Variants in VSIG1 observed in about 807,000 individuals in gnomAD.
The protein encoded by VSIG1 is V-set and immunoglobulin domain-containing protein 1.
Under a neutral mutation model 20.1 loss-of-function variants are expected in VSIG1, and 11 were observed. The observed-to-expected ratio is 0.55, with a 90% CI of 0.34 to 0.91. VSIG1 has a LOEUF of 0.91. Ranked by LOEUF, VSIG1 falls within the 40% of genes least tolerant of loss-of-function variation. VSIG1 has a pLI of 0.02. For synonymous variants in VSIG1, 126 were observed against 116.7 expected (o/e 1.08, Z -0.52); for missense variants, 283 against 298.8 (o/e 0.95, Z 0.39).
At chrX:108,061,392 C>T in intron 2 of VSIG1, 1 of 1,076,098 alleles carries the variant, frequency 9.3e-7, no homozygotes, top group Non-Finnish European at 1.3e-6. Flanking sequence ...GTATAGCATT[C>T]AGCTCTCAGA....
intron 2 of VSIG1, among the ~76,000 whole-genome samples, chrX:108,060,090 G>T (rs1209096615): frequency 9.0e-6 from 1 of 111,718 alleles, no homozygotes; most frequent in Non-Finnish European, 1.9e-5. Context: ...AAGGGAAGAA[G>T]ATATGGTGAT....
upstream of VSIG1, among the ~76,000 whole-genome samples, chrX:108,042,861 C>G (rs1229780898): frequency 8.9e-6 from 1 of 111,920 alleles, no homozygotes; most frequent in Non-Finnish European, 1.9e-5. Flanking sequence ...GGAAAGTAAG[C>G]ACTGTATTTT....
rs1364013293 is a variant in VSIG1 at position 108,078,627 on chromosome X, A to T, written c.*1246A>T. The T allele has an allele frequency of 8.9e-6, 1 of 112,010 alleles. No homozygotes were observed. The highest frequency in any genetic ancestry group is 1.9e-5 in the Non-Finnish European group (1 of 53,186). The allele number at this position is 112,010 out of a possible 1,213,427, so 9.2% of individuals were successfully genotyped here. On this transcript the variant is annotated 3_prime_UTR_variant, in exon 7 of 7. Coordinates refer to ENST00000217957, the MANE Select transcript of VSIG1 (RefSeq NM_182607.5). ...AAAAACAGAAAACAAACAAACAAAA[A>T]ACAAAAAATCCCCACAACTTTGTCA...
the VSIG1 span, among the ~76,000 whole-genome samples, chrX:108,028,512 T>C: frequency 9.0e-6 from 1 of 111,215 alleles, no homozygotes; most frequent in Admixed American, 9.6e-5. Context: ...TTTGAGATTA[T>C]GATTGAGAAG....
intron 2 of VSIG1, among the ~76,000 whole-genome samples, chrX:108,065,360 CT>C (rs1294241152): frequency 2.7e-5 from 3 of 111,701 alleles, no homozygotes; most frequent in Non-Finnish European, 3.8e-5. Context: ...CCTCTCTGGG[CT>C]TTGGTTTCTT....
chrX:108,038,159 T>G, the VSIG1 span, among the ~76,000 whole-genome samples: 1 of 111,419 alleles, frequency 9.0e-6, no homozygotes. Flanking sequence ...TGTTTACATG[T>G]GCCATGGTGG....
chrX:108,036,990 G>A, the VSIG1 span, among the ~76,000 whole-genome samples: 1 of 111,715 alleles, frequency 9.0e-6, no homozygotes, highest in African/African-American at 3.3e-5. Flanking sequence ...TGTTGCACAG[G>A]TTTGCAGGTT....
chrX:108,075,971 A>G, intron 5 of VSIG1, 106 bp from the exon 6 acceptor site: 1 of 1,036,328 alleles, frequency 9.6e-7, no homozygotes, highest in South Asian at 2.3e-5. Flanking sequence ...TATACAAGTC[A>G]TTTTCCCACT....
the VSIG1 span, among the ~76,000 whole-genome samples, chrX:108,036,567 G>T: frequency 3.6e-5 from 4 of 111,827 alleles, no homozygotes; most frequent in Non-Finnish European, 7.5e-5. Context: ...GCAATCCCAG[G>T]CTACTCAGCA....
chrX:108,020,603 A>G, the VSIG1 span, among the ~76,000 whole-genome samples: 1 of 111,590 alleles, frequency 9.0e-6, no homozygotes, highest in East Asian at 2.8e-4. Context: ...AGGATTAGCT[A>G]CTTATACCAG....
chrX:108,022,923 C>T, the VSIG1 span, among the ~76,000 whole-genome samples: 1 of 111,769 alleles, frequency 8.9e-6, no homozygotes, highest in African/African-American at 3.2e-5. Context: ...CCTCTCTCAC[C>T]ATGTGACACA....
chrX:108,047,585 A>C (rs2030608931), intron 1 of VSIG1, among the ~76,000 whole-genome samples: 1 of 108,454 alleles, frequency 9.2e-6, no homozygotes, highest in African/African-American at 3.4e-5. Flanking sequence ...GTCAAAATGA[A>C]TCTATTATAT....
rs1260191141 is a variant in VSIG1 at position 108,076,778 on chromosome X, C to A, written c.831-270C>A. ...GAGCTATGAATTTGGACCTTAAAGA[C>A]CTTATTAGATTCTTAGACTCTTTCA... On this transcript the variant is annotated intron_variant, in intron 6 of 6. Transcript: ENST00000217957. 3.6e-5 allele frequency among the ~76,000 whole-genome samples: 4 copies of A among 111,824 alleles called. No individual in the cohort carries two copies. The Admixed American group carries it at 3.8e-4, about 11-fold the overall frequency.
At chrX:108,041,071 G>A (rs1449479961), upstream of VSIG1, among the ~76,000 whole-genome samples, 4 of 107,219 alleles carry the variant, frequency 3.7e-5, no homozygotes, top group African/African-American at 1.4e-4. Context: ...TAAAAATGAG[G>A]GATAAATCAG....
rs1166495074 is a variant in VSIG1 at position 108,058,136 on chromosome X, GC to G, written c.150del (p.Ser51ProfsTer31). ...CATCTGCATCTACACCACCACTGTG[GC>G]CTCCCGAGAACAGCTTTCCATCCAG... is the stretch of plus-strand genomic sequence containing the variant. ...TLICIYTTTV[A>X]SREQLSIQWS... On this transcript the variant is annotated frameshift_variant, in exon 2 of 7. Transcript: ENST00000217957. LOFTEE classifies it high-confidence loss of function. 1 of 1,209,168 alleles carries G rather than the reference GC, an allele frequency of 8.3e-7. No homozygotes were observed. The highest frequency in any genetic ancestry group is 1.1e-6 in the Non-Finnish European group (1 of 894,750).
intron 3 of VSIG1, among the ~76,000 whole-genome samples, chrX:108,071,892 C>CAAAAAAAAAAAA (rs1203449181): frequency 1.7e-3 from 61 of 36,092 alleles, no homozygotes; most frequent in East Asian, 2.3e-3. Flanking sequence ...TGAACAAATG[C>CAAAAAAAAAAAA]AAAAAAAAAA....
At chrX:108,059,432 T>G (rs758185614) in intron 2 of VSIG1, among the ~76,000 whole-genome samples, 1 of 112,173 alleles carries the variant, frequency 8.9e-6, no homozygotes, top group Admixed American at 9.4e-5. Context: ...TTTTGCTCAA[T>G]ACTGGTTACC....
At chrX:108,064,690 A>G in intron 2 of VSIG1, 1 of 729,812 alleles carries the variant, frequency 1.4e-6, no homozygotes, top group Non-Finnish European at 1.6e-6. Flanking sequence ...AACAGGGCTG[A>G]TGTTTTACAC....
chrX:108,050,415 G>A lies in VSIG1; in HGVS notation c.49+5236G>A, dbSNP rs1314186622. Among the ~76,000 whole-genome samples, 4 of 111,808 alleles carry A rather than the reference G, an allele frequency of 3.6e-5. No homozygotes were observed. In the Admixed American group the frequency reaches 3.8e-4, roughly 11 times the overall value. ...AGGCAACTAGGACAGCATAGAGAGC[G>A]TCTCTTGAACTTGACTTTCTCTTCC... On this transcript the variant is annotated intron_variant, in intron 1 of 6. Transcript: ENST00000217957.
Sources: gnomAD v4.1 joint callset for allele counts (sites outside exome capture counted in the v4.1 genomes callset) on GRCh38, gnomAD v4.1.1 for gene constraint, MANE v1.5 for transcripts, NCBI Gene and HGNC (gene_info 2026-07-23, HGNC 2026-07-21) for gene names.